The following TENM3 variants were observed in gnomAD, a reference collection of about 807,000 sequenced individuals.
TENM3 encodes the protein teneurin transmembrane protein 3, also known as teneurin-3.
TENM3 carries 63 observed loss-of-function variants against 255.1 expected under a neutral mutation model. That is an observed-to-expected ratio of 0.25 (90% CI 0.20 to 0.30). The LOEUF (loss-of-function observed/expected upper bound fraction) is 0.30. TENM3 is among the 10% of genes least tolerant of loss of function. TENM3 has a pLI of 1.00. For synonymous variants in TENM3, 1,306 were observed against 1,322.3 expected (o/e 0.99, Z 0.27); for missense variants, 2,929 against 3,461.1 (o/e 0.85, Z 3.86).
the TENM3 span, among the ~76,000 whole-genome samples, chr4:181,894,269 A>C: frequency 6.6e-6 from 1 of 152,326 alleles, no homozygotes; most frequent in Admixed American, 6.5e-5. Flanking sequence ...TGATGTCATG[A>C]GTAATGGCAC....
intron 3 of TENM3, among the ~76,000 whole-genome samples, chr4:182,562,344 T>G (rs1198571946): frequency 6.6e-6 from 1 of 152,178 alleles, no homozygotes; most frequent in Non-Finnish European, 1.5e-5. Context: ...GAGTGCCATA[T>G]GCTGAATTGT....
the TENM3 span, among the ~76,000 whole-genome samples, chr4:181,779,701 A>G: frequency 6.6e-6 from 1 of 152,070 alleles, no homozygotes; most frequent in East Asian, 1.9e-4. Context: ...GGTTTGTTAC[A>G]TATGTATACG....
chr4:182,695,051 C>A (rs915393357), intron 12 of TENM3, among the ~76,000 whole-genome samples: 8 of 152,180 alleles, frequency 5.3e-5, no homozygotes, highest in African/African-American at 1.9e-4. Flanking sequence ...CAAAATAAAA[C>A]AATATGTAAT....
chr4:182,551,090 T>C (rs1741956058), intron 3 of TENM3, among the ~76,000 whole-genome samples: 1 of 151,950 alleles, frequency 6.6e-6, no homozygotes, highest in Non-Finnish European at 1.5e-5. Flanking sequence ...GGCATGGTGG[T>C]GCCTGCCTGT....
the TENM3 span, among the ~76,000 whole-genome samples, chr4:181,532,461 G>T: frequency 1.3e-5 from 2 of 152,068 alleles, no homozygotes; most frequent in African/African-American, 4.8e-5. Flanking sequence ...GGCATAACTG[G>T]GGTCCATTTT....
At chr4:181,702,902 A>G in the TENM3 span, among the ~76,000 whole-genome samples, 1 of 152,160 alleles carries the variant, frequency 6.6e-6, no homozygotes, top group Non-Finnish European at 1.5e-5. Flanking sequence ...TACGTAACAT[A>G]TGAATTGTCC....
chr4:181,562,015 T>C, the TENM3 span, among the ~76,000 whole-genome samples: 1 of 152,214 alleles, frequency 6.6e-6, no homozygotes, highest in African/African-American at 2.4e-5. Flanking sequence ...TTTTGTGACG[T>C]TGATCACTTT....
chr4:182,161,797 A>G (rs1751291612), intron 1 of TENM3, among the ~76,000 whole-genome samples: 1 of 52,554 alleles, frequency 1.9e-5, no homozygotes, highest in Non-Finnish European at 3.3e-5. Flanking sequence ...ATATATGTAT[A>G]TATATACACA....
the TENM3 span, among the ~76,000 whole-genome samples, chr4:181,755,113 G>A: frequency 6.6e-6 from 1 of 152,080 alleles, no homozygotes; most frequent in African/African-American, 2.4e-5. Context: ...AAATTAAAGT[G>A]GTGAAGTCCT....
chr4:182,446,918 T>C (rs1013451141), intron 3 of TENM3, among the ~76,000 whole-genome samples: 2 of 151,522 alleles, frequency 1.3e-5, no homozygotes, highest in African/African-American at 4.8e-5. Flanking sequence ...TGCATTGCAT[T>C]GATTTGTGAA....
At chr4:182,017,045 C>A in the TENM3 span, among the ~76,000 whole-genome samples, 1 of 152,170 alleles carries the variant, frequency 6.6e-6, no homozygotes, top group Non-Finnish European at 1.5e-5. Flanking sequence ...ACACATATTC[C>A]AAACATAGAC....
At chr4:181,528,773 C>G in the TENM3 span, among the ~76,000 whole-genome samples, 1 of 152,196 alleles carries the variant, frequency 6.6e-6, no homozygotes, top group African/African-American at 2.4e-5. Context: ...ATGCTGCCCC[C>G]TAGTGCAAGT....
Position 182,387,875 on chromosome 4 carries a change from G to A in TENM3, c.511+40946G>A, listed in dbSNP as rs150159314. On this transcript the variant is annotated intron_variant, in intron 3 of 27. Transcript: ENST00000511685. ...CCGCAGCTTCATTCTTGAAGTCAGTGAGACCAAGAACCCACCAATTCCGGA... is the reference window on the plus strand; with the variant it reads ...CCGCAGCTTCATTCTTGAAGTCAGTAAGACCAAGAACCCACCAATTCCGGA... Among the ~76,000 whole-genome samples the A allele has an allele frequency of 5.7e-3, 862 of 151,036 alleles. 12 individuals are homozygous for A. Among genetic ancestry groups the A allele is most frequent in the African/African-American group, 0.02 (819 of 40,998 alleles).
chr4:181,819,296 A>G, the TENM3 span, among the ~76,000 whole-genome samples: 4 of 152,286 alleles, frequency 2.6e-5, no homozygotes, highest in East Asian at 5.8e-4. Flanking sequence ...ACGAGATCCA[A>G]TTACCAATGC....
At chr4:182,417,235 C>T (rs1770453243) in intron 3 of TENM3, among the ~76,000 whole-genome samples, 1 of 152,072 alleles carries the variant, frequency 6.6e-6, no homozygotes, top group Middle Eastern at 3.2e-3. Flanking sequence ...CTCGGCCTCC[C>T]ATAGTGCTGG....
chr4:182,339,939 C>A (rs1480704128), intron 2 of TENM3, among the ~76,000 whole-genome samples: 1 of 151,884 alleles, frequency 6.6e-6, no homozygotes, highest in African/African-American at 2.4e-5. Flanking sequence ...AAAGTTATTT[C>A]TTAATTACAA....
chr4:182,560,133 A>G (rs1743009240), intron 3 of TENM3, among the ~76,000 whole-genome samples: 1 of 151,656 alleles, frequency 6.6e-6, no homozygotes, highest in African/African-American at 2.4e-5. Context: ...GTACATCACA[A>G]TCACACACAC....
At chr4:181,684,290 A>G in the TENM3 span, among the ~76,000 whole-genome samples, 2 of 152,306 alleles carry the variant, frequency 1.3e-5, no homozygotes, top group East Asian at 3.9e-4. Flanking sequence ...TTTTACAGAT[A>G]CAAAAGTAGG....
the TENM3 span, among the ~76,000 whole-genome samples, chr4:181,485,459 A>G: frequency 1.3e-5 from 2 of 150,566 alleles, no homozygotes; most frequent in Admixed American, 1.3e-4. Flanking sequence ...TATTAGATGT[A>G]CTAAAGGTAC....
Sources: allele counts gnomAD v4.1 joint callset (sites outside exome capture counted in the v4.1 genomes callset), GRCh38; gene constraint gnomAD v4.1.1; transcripts MANE v1.5; gene names NCBI Gene and HGNC (gene_info 2026-07-23, HGNC 2026-07-21).